The following UPF2 variants were observed in gnomAD, a reference collection of about 807,000 sequenced individuals.
UPF2 encodes UPF2 regulator of nonsense mediated mRNA decay, also known as regulator of nonsense transcripts 2.
UPF2 carries 17 observed loss-of-function variants against 141.4 expected under a neutral mutation model. The ratio of observed to expected loss-of-function variants is 0.12; its 90% CI spans 0.08 to 0.18. The LOEUF is 0.18. Among genes scored for constraint, UPF2 ranks in the 10% least tolerant of loss-of-function variants. The pLI, the probability that UPF2 is intolerant of heterozygous loss-of-function variation, is 1.00. For missense variants in UPF2, 1,152 were observed against 1,515.9 expected (o/e 0.76, Z 3.99); for synonymous variants, 540 against 498.0 (o/e 1.08, Z -1.12).
At chr10:11,958,084 T>A (rs1223167409) in intron 12 of UPF2, among the ~76,000 whole-genome samples, 1 of 152,148 alleles carries the variant, frequency 6.6e-6, no homozygotes, top group Non-Finnish European at 1.5e-5. Flanking sequence ...GTGCAGTGGC[T>A]CACACCTGTA....
chr10:11,927,483 T>G (rs182452119), intron 21 of UPF2, among the ~76,000 whole-genome samples: 2 of 152,194 alleles, frequency 1.3e-5, no homozygotes, highest in African/African-American at 4.8e-5. Context: ...CAGGAGGGAA[T>G]AGATGTTATC....
intron 15 of UPF2, among the ~76,000 whole-genome samples, chr10:11,949,955 C>G (rs74760477): frequency 6.6e-6 from 1 of 151,220 alleles, no homozygotes; most frequent in Non-Finnish European, 1.5e-5. Flanking sequence ...TGAATACAGC[C>G]AATTACAAAA....
At chr10:12,039,867 G>A (rs1834704639) in intron 1 of UPF2, among the ~76,000 whole-genome samples, 1 of 152,072 alleles carries the variant, frequency 6.6e-6, no homozygotes, top group Non-Finnish European at 1.5e-5. Context: ...TGATCTGCCT[G>A]CCTTGGCCTC....
intron 3 of UPF2, among the ~76,000 whole-genome samples, chr10:12,018,486 T>A (rs138619259): frequency 6.6e-6 from 1 of 151,536 alleles, no homozygotes; most frequent in Non-Finnish European, 1.5e-5. Context: ...GAGGCTGAGG[T>A]AGGAGAATCA....
intron 2 of UPF2, among the ~76,000 whole-genome samples, chr10:12,032,752 A>G (rs2131312629): frequency 6.6e-6 from 1 of 150,380 alleles, no homozygotes; most frequent in Non-Finnish European, 1.5e-5. Flanking sequence ...AAAAAAAAAA[A>G]AGACTCTCTT....
chr10:12,039,981 T>C (rs1383550534), intron 1 of UPF2, among the ~76,000 whole-genome samples: 4 of 152,196 alleles, frequency 2.6e-5, no homozygotes, highest in African/African-American at 9.7e-5. Context: ...GATTAAGAAA[T>C]TCATGTAGTA....
intron 8 of UPF2, among the ~76,000 whole-genome samples, chr10:11,981,930 C>T (rs900048546): frequency 3.3e-5 from 5 of 152,216 alleles, no homozygotes; most frequent in Non-Finnish European, 5.9e-5. Context: ...GTGATCCATC[C>T]GCCTTGACCT....
chr10:11,963,959 A>G, intron 11 of UPF2, 50 bp downstream of exon 11: 1 of 1,330,440 alleles, frequency 7.5e-7, no homozygotes, highest in East Asian at 2.3e-5. Context: ...CCTCTGAAGC[A>G]CAGGTAAATC....
At position 11,940,693 on chromosome 10, in the gene UPF2, T is replaced by C. The variant is rs1047967561; in HGVS notation, c.3378+1972A>G. 6.6e-6 allele frequency among the ~76,000 whole-genome samples: 1 copy of C among 152,144 alleles called. No individual in the cohort carries two copies. The highest frequency in any genetic ancestry group is 2.4e-5 in the African/African-American group (1 of 41,426). ...CCTCCGAAATAGCTCAAATCCAGAC[T>C]TCTCTCCATGTGCCTTGCCATATGC... On this transcript the variant is annotated intron_variant, in intron 18 of 21. Coordinates refer to ENST00000357604, the MANE Select transcript of UPF2 (RefSeq NM_015542.4). The surrounding 1 kb of genome is among the most constrained non-coding windows in gnomAD (Gnocchi z 4.2).
intron 1 of UPF2, among the ~76,000 whole-genome samples, chr10:12,037,028 GA>G (rs202088809): frequency 0.052 from 7,957 of 151,608 alleles, 282 homozygotes; most frequent in Non-Finnish European, 0.08. Context: ...TCCGCCTCAA[GA>G]AAAAAAAGAA....
At position 11,922,391 on chromosome 10, in the gene UPF2, T is replaced by C. The variant is rs1183082392; in HGVS notation, c.3810-1084A>G. Among the ~76,000 whole-genome samples the C allele has an allele frequency of 3.3e-5, 5 of 152,252 alleles. No homozygotes were observed. In the Middle Eastern group the frequency reaches 0.01, roughly 311 times the overall value. On this transcript the variant is annotated intron_variant, in intron 21 of 21. Coordinates refer to ENST00000357604, the MANE Select transcript of UPF2 (RefSeq NM_015542.4). Reference sequence around the variant, plus strand: ...AAATATGGAAAAGTATATCCTCAGCTGGATAAGATCCGTAACTCTTCCAGA... The same window carrying C: ...AAATATGGAAAAGTATATCCTCAGCCGGATAAGATCCGTAACTCTTCCAGA...
rs1332266309 is a variant in UPF2, at chr10:11,979,722, C to T, written c.1845-557G>A. Among the ~76,000 whole-genome samples, 3 of 152,092 alleles carry T rather than the reference C, an allele frequency of 2.0e-5. No individual in the cohort carries two copies. Among genetic ancestry groups the T allele is most frequent in the Non-Finnish European group, 4.4e-5 (3 of 68,010 alleles). The stretch of plus-strand genomic sequence containing the variant: ...GAGATCAAGACTATCCTGGCTAACA[C>T]GGTGAAACCCCGTCTCTACTAAAAA... On this transcript the variant is annotated intron_variant, in intron 8 of 21. Transcript: ENST00000357604. The surrounding 1 kb of genome is among the most constrained non-coding windows in gnomAD (Gnocchi z 6.2).
intron 15 of UPF2, among the ~76,000 whole-genome samples, chr10:11,949,058 C>A (rs574970619): frequency 4.7e-4 from 72 of 152,210 alleles, no homozygotes; most frequent in Non-Finnish European, 7.9e-4. Context: ...TTTTTTTCTT[C>A]AATAACAGCA....
At position 11,921,340 on chromosome 10, in the gene UPF2, T is replaced by C. The variant is rs749770670; in HGVS notation, c.3810-33A>G. The C allele has an allele frequency of 1.1e-5, 17 of 1,613,848 alleles. No homozygotes were observed. The South Asian group carries it at 1.9e-4, about 18-fold the overall frequency. On this transcript the variant is annotated intron_variant, in intron 21 of 21. Transcript: ENST00000357604. This position sits in a 1 kb window ranked among gnomAD's most constrained non-coding sequence, Gnocchi z 5.9. ...AACAAACAGGGTCACATCAGAGAGC[T>C]TACTGCCACAGGACAAAGTCCAGCA...
chr10:11,979,735 T>A lies in UPF2; in HGVS notation c.1845-570A>T, dbSNP rs1833562663. Among the ~76,000 whole-genome samples the A allele has an allele frequency of 6.6e-6, 1 of 152,098 alleles. No homozygotes were observed. The highest frequency in any genetic ancestry group is 6.6e-5 in the Admixed American group (1 of 15,264). On this transcript the variant is annotated intron_variant, in intron 8 of 21. Transcript: ENST00000357604. This position sits in a 1 kb window ranked among gnomAD's most constrained non-coding sequence, Gnocchi z 6.2. ...TCCTGGCTAACACGGTGAAACCCCGTCTCTACTAAAAATAAAAAAATTAGA... is the reference window on the plus strand; with the variant it reads ...TCCTGGCTAACACGGTGAAACCCCGACTCTACTAAAAATAAAAAAATTAGA...
intron 1 of UPF2, among the ~76,000 whole-genome samples, chr10:12,041,016 G>C (rs1444737359): frequency 6.6e-6 from 1 of 152,084 alleles, no homozygotes; most frequent in East Asian, 1.9e-4. Context: ...TTCCGTGGCT[G>C]GACCAACACT....
chr10:11,993,752 C>G (rs1206039749), intron 8 of UPF2, among the ~76,000 whole-genome samples: 1 of 152,044 alleles, frequency 6.6e-6, no homozygotes, highest in Non-Finnish European at 1.5e-5. Context: ...GCAGGAGGAG[C>G]TGCTTGAGCC....
intron 21 of UPF2, among the ~76,000 whole-genome samples, chr10:11,929,637 T>C (rs929236956): frequency 1.3e-5 from 2 of 152,088 alleles, no homozygotes; most frequent in African/African-American, 4.8e-5. Flanking sequence ...CAAGACCTTG[T>C]CTCAAAAAAT....
At chr10:11,982,932 C>G (rs1165173617) in intron 8 of UPF2, among the ~76,000 whole-genome samples, 3 of 152,094 alleles carry the variant, frequency 2.0e-5, no homozygotes, top group Non-Finnish European at 4.4e-5. Flanking sequence ...ACCTGCACTA[C>G]TTTTAAAAAT....
Sources: gnomAD v4.1 joint callset for allele counts (sites outside exome capture counted in the v4.1 genomes callset) on GRCh38, gnomAD v4.1.1 for gene constraint, Gnocchi (gnomAD v3.1) non-coding constraint, MANE v1.5 for transcripts, NCBI Gene and HGNC (gene_info 2026-07-23, HGNC 2026-07-21) for gene names.